Variants in BRINP3 observed in about 807,000 individuals in gnomAD.
The protein encoded by BRINP3 is BMP/retinoic acid inducible neural specific 3, also known as BMP/retinoic acid-inducible neural-specific protein 3.
In BRINP3, 19 loss-of-function variants were observed where a neutral mutation model predicts 71.0. That is an observed-to-expected ratio of 0.27 (90% confidence interval 0.19 to 0.39). BRINP3 has a LOEUF of 0.39. Among genes scored for constraint, BRINP3 ranks in the 10% least tolerant of loss-of-function variants. The pLI is 1.00. For synonymous variants in BRINP3, 380 were observed against 337.7 expected (o/e 1.13, Z -1.37); for missense variants, 959 against 940.8 (o/e 1.02, Z -0.25).
chr1:190,241,179 A>T (rs892195669), intron 4 of BRINP3, among the ~76,000 whole-genome samples: 1 of 152,022 alleles, frequency 6.6e-6, no homozygotes, highest in Non-Finnish European at 1.5e-5. Context: ...ATTTTTTGGG[A>T]ACCTCTTGAA....
chr1:190,303,892 G>A (rs1325414785), intron 2 of BRINP3, among the ~76,000 whole-genome samples: 2 of 151,290 alleles, frequency 1.3e-5, no homozygotes, highest in Non-Finnish European at 3.0e-5. Flanking sequence ...TACAACTGAT[G>A]GTTTAATAAA....
At chr1:190,424,762 A>C (rs1170660722) in intron 2 of BRINP3, among the ~76,000 whole-genome samples, 4 of 151,712 alleles carry the variant, frequency 2.6e-5, no homozygotes, top group Non-Finnish European at 4.4e-5. Flanking sequence ...AAAAAATACC[A>C]CAGATCATGG....
chr1:190,160,030 C>T (rs187325884), intron 7 of BRINP3, among the ~76,000 whole-genome samples: 6 of 151,958 alleles, frequency 3.9e-5, no homozygotes, highest in Admixed American at 2.0e-4. Context: ...TATATTTTCC[C>T]GTAGCTTTTT....
At position 190,264,858 on chromosome 1, in the gene BRINP3, T is replaced by C; in HGVS notation, c.618+7A>G. On this transcript the variant is annotated splice_region_variant and intron_variant, in intron 4 of 7. Coordinates refer to ENST00000367462, the MANE Select transcript of BRINP3 (RefSeq NM_199051.3). The stretch of plus-strand genomic sequence containing the variant: ...AGGTGATAATTTTAGCGTAAACTCA[T>C]TCTTACCTTTATGGCAGTGGATGCA... 1 of 1,611,812 alleles carries C rather than the reference T, an allele frequency of 6.2e-7. No individual in the cohort carries two copies. Among genetic ancestry groups the C allele is most frequent in the South Asian group, 1.1e-5 (1 of 90,846 alleles).
At chr1:190,446,434 A>T (rs1425037956) in intron 2 of BRINP3, among the ~76,000 whole-genome samples, 1 of 152,086 alleles carries the variant, frequency 6.6e-6, no homozygotes, top group Non-Finnish European at 1.5e-5. Context: ...AATATAACAT[A>T]CAAGAAATAG....
intron 3 of BRINP3, among the ~76,000 whole-genome samples, chr1:190,277,118 T>TATATATATATATATA (rs376769940): frequency 7.8e-6 from 1 of 128,572 alleles, no homozygotes; most frequent in African/African-American, 2.7e-5. Context: ...TATATATATA[T>TATATATATATATATA]TTATATTCAG....
intron 4 of BRINP3, among the ~76,000 whole-genome samples, chr1:190,243,324 C>T (rs1471302698): frequency 6.6e-6 from 1 of 152,002 alleles, no homozygotes; most frequent in African/African-American, 2.4e-5. Flanking sequence ...CTCACTCCCA[C>T]AGATGTTATT....
intron 2 of BRINP3, among the ~76,000 whole-genome samples, chr1:190,445,679 T>C (rs1243664535): frequency 4.6e-5 from 7 of 151,944 alleles, no homozygotes; most frequent in Non-Finnish European, 8.8e-5. Context: ...ATTTTTGGGA[T>C]GGTGCCCATT....
chr1:190,202,564 C>T (rs528484212), intron 6 of BRINP3, among the ~76,000 whole-genome samples: 17 of 151,944 alleles, frequency 1.1e-4, no homozygotes, highest in Non-Finnish European at 1.6e-4. Context: ...GCTCTATGTC[C>T]CCACCCAAAT....
At position 190,323,597 on chromosome 1, in the gene BRINP3, CAA is replaced by C. The variant is rs60597619; in HGVS notation, c.237-41849_237-41848del. Among the ~76,000 whole-genome samples the C allele has an allele frequency of 4.2e-3, 537 of 126,534 alleles. 1 individual carries two copies. Among genetic ancestry groups the C allele is most frequent in the African/African-American group, 6.0e-3 (207 of 34,242 alleles). 83.0% of individuals were successfully genotyped at this position (126,534 alleles called of 152,430 possible). ...CCTCAGAAACATGCTTAAGAAAATA[CAA>C]AAAAAAAAAAATAAGAATTTTTTTC... On this transcript the variant is annotated intron_variant, in intron 2 of 7. Transcript: ENST00000367462.
intron 6 of BRINP3, among the ~76,000 whole-genome samples, chr1:190,183,166 G>C (rs1653179816): frequency 6.6e-6 from 1 of 151,912 alleles, no homozygotes; most frequent in Non-Finnish European, 1.5e-5. Flanking sequence ...GCATGTTTTT[G>C]ATGGCTCTTT....
intron 2 of BRINP3, among the ~76,000 whole-genome samples, chr1:190,412,623 C>T (rs916385482): frequency 6.0e-5 from 9 of 150,010 alleles, no homozygotes; most frequent in Admixed American, 3.3e-4. Context: ...CCACTACGCC[C>T]GGCTAATTTT....
intron 2 of BRINP3, among the ~76,000 whole-genome samples, chr1:190,392,515 T>C (rs1269822468): frequency 1.3e-5 from 2 of 151,700 alleles, no homozygotes; most frequent in Admixed American, 1.3e-4. Context: ...TCTTATATGA[T>C]ACATTGTACT....
chr1:190,104,473 A>G (rs933072827), intron 7 of BRINP3, among the ~76,000 whole-genome samples: 17 of 152,062 alleles, frequency 1.1e-4, no homozygotes, highest in African/African-American at 4.1e-4. Flanking sequence ...TTAAAGAAAT[A>G]TTGTAGGCAT....
In BRINP3 at chr1:190,108,533, T is replaced by G. The variant is rs527618351; in HGVS notation, c.1185-9399A>C. On this transcript the variant is annotated intron_variant, in intron 7 of 7. Transcript: ENST00000367462. ...TTATCTCTTAATTTTTCTAACAATT[T>G]AATATGACATTATGTTTACAGAAAA... Among the ~76,000 whole-genome samples the G allele has an allele frequency of 4.0e-5, 6 of 151,128 alleles. No homozygotes were observed. In the East Asian group the frequency reaches 1.2e-3, roughly 29 times the overall value.
At chr1:190,102,339 A>G (rs1161581597) in intron 7 of BRINP3, among the ~76,000 whole-genome samples, 3 of 152,162 alleles carry the variant, frequency 2.0e-5, no homozygotes, top group Non-Finnish European at 4.4e-5. Context: ...AATTTTGGAG[A>G]CAAATGTCCT....
intron 2 of BRINP3, among the ~76,000 whole-genome samples, chr1:190,428,434 CA>C (rs1030424281): frequency 1.3e-5 from 2 of 151,464 alleles, no homozygotes; most frequent in Non-Finnish European, 3.0e-5. Context: ...AATCCCCCCC[CA>C]AAAAAACTCG....
At chr1:190,177,827 T>C (rs1652679786) in intron 6 of BRINP3, among the ~76,000 whole-genome samples, 1 of 152,202 alleles carries the variant, frequency 6.6e-6, no homozygotes, top group African/African-American at 2.4e-5. Flanking sequence ...CTTAACTGTG[T>C]TCCACAACTG....
intron 7 of BRINP3, among the ~76,000 whole-genome samples, chr1:190,154,882 T>TG (rs1346768603): frequency 6.6e-6 from 1 of 152,118 alleles, no homozygotes; most frequent in Non-Finnish European, 1.5e-5. Context: ...TATTCAGACT[T>TG]GGACACTTGG....
Sources: gnomAD v4.1 joint callset for allele counts (sites outside exome capture counted in the v4.1 genomes callset) on GRCh38, gnomAD v4.1.1 for gene constraint, MANE v1.5 for transcripts, NCBI Gene and HGNC (gene_info 2026-07-23, HGNC 2026-07-21) for gene names.